The following PPP1R9A variants were observed in gnomAD, a reference collection of about 807,000 sequenced individuals.
PPP1R9A encodes the protein protein phosphatase 1 regulatory subunit 9A, also known as neurabin-1.
A neutral mutation model predicts 141.9 loss-of-function variants in PPP1R9A; 59 were observed. That is an observed-to-expected ratio of 0.42 (90% confidence interval 0.34 to 0.52). The LOEUF is 0.52. Ranked by LOEUF, PPP1R9A falls within the 20% of genes least tolerant of loss-of-function variation. PPP1R9A has a pLI of 0.10. For synonymous variants in PPP1R9A, 500 were observed against 569.7 expected (o/e 0.88, Z 1.74); for missense variants, 1,444 against 1,611.9 (o/e 0.90, Z 1.78).
chr7:95,082,766 CTTTTTTTTTT>C (rs1159814204), intron 2 of PPP1R9A, among the ~76,000 whole-genome samples: 1 of 109,518 alleles, frequency 9.1e-6, no homozygotes, highest in African/African-American at 3.9e-5. Context: ...GAAGGGATTT[CTTTTTTTTTT>C]TTTTTTTTTT....
In PPP1R9A at chr7:95,183,287, A is replaced by G. The variant is rs142341935; in HGVS notation, c.1755-15062A>G. Among the ~76,000 whole-genome samples the G allele has an allele frequency of 4.5e-3, 683 of 151,164 alleles. 3 individuals are homozygous for G. Among genetic ancestry groups the G allele is most frequent in the Non-Finnish European group, 7.1e-3 (481 of 67,776 alleles). ...CAAGTAGCTGGGATTACAGGCACTC[A>G]CCACCACGCCTGGCTAATTTTTTTG... On this transcript the variant is annotated intron_variant, in intron 5 of 19. Coordinates refer to ENST00000433360, the MANE Select transcript of PPP1R9A (RefSeq NM_001166160.2).
chr7:94,911,411 A>C lies in PPP1R9A; in HGVS notation c.1298A>C (p.Tyr433Ser), dbSNP rs201911346. The C allele has an allele frequency of 6.2e-7, 1 of 1,613,384 alleles. No homozygotes were observed. Among genetic ancestry groups the C allele is most frequent in the Admixed American group, 1.7e-5 (1 of 60,020 alleles). Residue 433 changes from tyrosine (Y) to serine (S), a missense_variant, in exon 2 of 20, where the codon TAT becomes TCT. Tyr to Ser is a moderately radical substitution (Grantham distance 144). Transcript: ENST00000433360. ...EEEDSDENSYYQPDMEYSEIV... is the reference protein window; with the variant it reads ...EEEDSDENSYSQPDMEYSEIV... The stretch of plus-strand genomic sequence containing the variant: ...GAAGATAGTGATGAGAACAGTTACT[A>C]TCAGCCTGATATGGAGTACTCGGAA...
At chr7:94,930,047 A>G (rs1793960736) in intron 2 of PPP1R9A, among the ~76,000 whole-genome samples, 1 of 152,220 alleles carries the variant, frequency 6.6e-6, no homozygotes, top group Non-Finnish European at 1.5e-5. Flanking sequence ...CTAGACATAA[A>G]CAGGGAATTG....
At chr7:95,223,267 A>C (rs1794699869) in intron 7 of PPP1R9A, among the ~76,000 whole-genome samples, 1 of 152,060 alleles carries the variant, frequency 6.6e-6, no homozygotes, top group Non-Finnish European at 1.5e-5. Flanking sequence ...CCACAAAAGA[A>C]TCAAGAAGAA....
intron 5 of PPP1R9A, among the ~76,000 whole-genome samples, chr7:95,191,405 T>C (rs79478688): frequency 1.3e-5 from 2 of 152,312 alleles, no homozygotes; most frequent in Non-Finnish European, 2.9e-5. Context: ...TTATAATGTA[T>C]AGTGATCATA....
At chr7:94,908,920 G>T (rs1187473999) in intron 1 of PPP1R9A, among the ~76,000 whole-genome samples, 2 of 152,178 alleles carry the variant, frequency 1.3e-5, no homozygotes, top group African/African-American at 4.8e-5. Flanking sequence ...AGCTGATTGT[G>T]CGTGAGGGTG....
chr7:95,065,290 C>T (rs1437455835), intron 2 of PPP1R9A, among the ~76,000 whole-genome samples: 4 of 152,122 alleles, frequency 2.6e-5, no homozygotes, highest in Admixed American at 2.0e-4. Context: ...TGGTCTTGAA[C>T]TCCTGGCCCC....
At chr7:95,209,464 A>G (rs1292563195) in intron 7 of PPP1R9A, among the ~76,000 whole-genome samples, 3 of 152,178 alleles carry the variant, frequency 2.0e-5, no homozygotes, top group Non-Finnish European at 4.4e-5. Flanking sequence ...GGAGTGGTCC[A>G]GTGTAAAGAT....
chr7:94,995,485 AT>A (rs1028072150), intron 2 of PPP1R9A, among the ~76,000 whole-genome samples: 7 of 151,208 alleles, frequency 4.6e-5, no homozygotes, highest in African/African-American at 1.5e-4. Context: ...TGCTCTTTTA[AT>A]TTTTTTATTA....
chr7:95,273,336 C>T (rs973051653), intron 14 of PPP1R9A, among the ~76,000 whole-genome samples: 2 of 152,172 alleles, frequency 1.3e-5, no homozygotes, highest in South Asian at 2.1e-4. Flanking sequence ...CCCCCATGTC[C>T]TCCCCTCCTC....
At chr7:95,120,991 T>C (rs886368849) in intron 4 of PPP1R9A, among the ~76,000 whole-genome samples, 159 bp downstream of exon 4, 2 of 152,230 alleles carry the variant, frequency 1.3e-5, no homozygotes, top group Non-Finnish European at 2.9e-5. Context: ...TATTTTCTGA[T>C]ATGCAGGCAA....
chr7:94,983,540 G>A (rs1051273493), intron 2 of PPP1R9A, among the ~76,000 whole-genome samples: 20 of 151,954 alleles, frequency 1.3e-4, no homozygotes, highest in South Asian at 8.3e-4. Flanking sequence ...TGAAGAGGTC[G>A]TTCACATCCC....
chr7:95,214,212 G>A (rs1171967774), intron 7 of PPP1R9A: 1 of 152,214 alleles, frequency 6.6e-6, no homozygotes, highest in African/African-American at 2.4e-5. Flanking sequence ...TTAGCTGGAT[G>A]CCTCTGACTC....
At chr7:95,026,052 A>T (rs1366594383) in intron 2 of PPP1R9A, among the ~76,000 whole-genome samples, 1 of 152,052 alleles carries the variant, frequency 6.6e-6, no homozygotes, top group Admixed American at 6.6e-5. Context: ...GTTTGTTATT[A>T]CCTGTCTTCT....
At chr7:94,997,388 C>T (rs1488322461) in intron 2 of PPP1R9A, among the ~76,000 whole-genome samples, 1 of 151,838 alleles carries the variant, frequency 6.6e-6, no homozygotes, top group Non-Finnish European at 1.5e-5. Flanking sequence ...TTATTATCTT[C>T]TTTTAAATTT....
intron 2 of PPP1R9A, among the ~76,000 whole-genome samples, chr7:94,952,775 A>G (rs1412076546): frequency 6.6e-6 from 1 of 151,978 alleles, no homozygotes; most frequent in Non-Finnish European, 1.5e-5. Flanking sequence ...GCCTGTTCAT[A>G]TCCTTCACCT....
At chr7:95,187,114 A>T (rs1369065537) in intron 5 of PPP1R9A, among the ~76,000 whole-genome samples, 1 of 152,168 alleles carries the variant, frequency 6.6e-6, no homozygotes, top group Non-Finnish European at 1.5e-5. Flanking sequence ...CACCTGACAG[A>T]ATTCATCTGT....
At chr7:95,011,633 C>T (rs1294372718) in intron 2 of PPP1R9A, among the ~76,000 whole-genome samples, 3 of 152,132 alleles carry the variant, frequency 2.0e-5, no homozygotes, top group East Asian at 3.9e-4. Flanking sequence ...AACTACTCTA[C>T]TGGAGAGAAC....
chr7:95,176,153 G>C (rs1411946857), intron 5 of PPP1R9A, among the ~76,000 whole-genome samples: 2 of 152,060 alleles, frequency 1.3e-5, no homozygotes, highest in African/African-American at 4.8e-5. Flanking sequence ...ATGGCTGAGA[G>C]ACCCATAGAT....
Sources: allele counts gnomAD v4.1 joint callset (sites outside exome capture counted in the v4.1 genomes callset), GRCh38; gene constraint gnomAD v4.1.1; transcripts MANE v1.5; gene names NCBI Gene and HGNC (gene_info 2026-07-23, HGNC 2026-07-21).